Variants in JMJD1C observed in about 807,000 individuals in gnomAD.
The protein encoded by JMJD1C is jumonji domain-containing protein 1C.
A neutral mutation model predicts 245.3 loss-of-function variants in JMJD1C; 31 were observed. The ratio of observed to expected loss-of-function variants is 0.13; its 90% CI spans 0.09 to 0.17. The LOEUF is 0.17. JMJD1C is among the 10% of genes least tolerant of loss of function. JMJD1C has a pLI of 1.00. For synonymous variants in JMJD1C, 1,057 were observed against 1,017.4 expected, an observed-to-expected ratio of 1.04 and a Z score of -0.74; for missense variants, 2,691 against 3,000.2, an observed-to-expected ratio of 0.90 and a Z score of 2.41.
chr10:63,507,926 T>C (rs569929770), intron 1 of JMJD1C, among the ~76,000 whole-genome samples: 23 of 152,342 alleles, frequency 1.5e-4, no homozygotes, highest in African/African-American at 3.8e-4. Context: ...GTTGTTTATA[T>C]TCTTACTGTT....
intron 13 of JMJD1C, among the ~76,000 whole-genome samples, chr10:63,196,256 CAAAAAAAAAA>C (rs1258759161): frequency 2.1e-5 from 3 of 139,796 alleles, no homozygotes; most frequent in Admixed American, 7.2e-5. Flanking sequence ...CAACAACATC[CAAAAAAAAAA>C]GAAAAAGAAA....
rs958245687 is a variant in JMJD1C at position 63,395,210 on chromosome 10, G to A, written c.169-14728C>T. Among the ~76,000 whole-genome samples, 63 of 152,194 alleles carry A rather than the reference G, an allele frequency of 4.1e-4. 1 individual carries two copies. Among genetic ancestry groups the A allele is most frequent in the Admixed American group, 1.9e-3 (29 of 15,300 alleles). Reference sequence around the variant, plus strand: ...ACTAAAATTTTTGGCCAGGTGCAGCGGCTCATGCCTGTAATCCCAGCACTT... The same window carrying A: ...ACTAAAATTTTTGGCCAGGTGCAGCAGCTCATGCCTGTAATCCCAGCACTT... On this transcript the variant is annotated intron_variant, in intron 1 of 25. Transcript: ENST00000399262.
chr10:63,215,800 G>A (rs954211782), intron 5 of JMJD1C, 104 bp from the exon 6 acceptor site: 13 of 743,994 alleles, frequency 1.7e-5, no homozygotes, highest in African/African-American at 3.5e-5. Context: ...ATCAGCTTGG[G>A]ATCCCTAATT....
intron 1 of JMJD1C, among the ~76,000 whole-genome samples, chr10:63,459,429 G>A (rs557104020): frequency 3.3e-5 from 5 of 152,206 alleles, no homozygotes; most frequent in Admixed American, 1.3e-4. Flanking sequence ...AAATATTAAC[G>A]ATGTATCTCT....
chr10:63,169,848 GGAT>G (rs966286820), intron 24 of JMJD1C, among the ~76,000 whole-genome samples: 16 of 152,296 alleles, frequency 1.1e-4, no homozygotes, highest in Admixed American at 9.2e-4. Context: ...AGGAAACTAT[GGAT>G]GAGATGTTCA....
rs1203181197 is a variant in JMJD1C, at chr10:63,519,358, A to C, written n.113+2380T>G. On this transcript the variant is annotated intron_variant and non_coding_transcript_variant, in intron 1 of 3. Coordinates refer to the JMJD1C transcript ENST00000633035. Reference sequence around the variant, plus strand: ...TGACCTCCAAAGTAAAAAGGCAAGAAAGACATTTTTAAGAGACTTCCAATG... The same window carrying C: ...TGACCTCCAAAGTAAAAAGGCAAGACAGACATTTTTAAGAGACTTCCAATG... Among the ~76,000 whole-genome samples the C allele has an allele frequency of 2.0e-5, 3 of 152,228 alleles. No homozygotes were observed. In the East Asian group the frequency reaches 5.8e-4, roughly 29 times the overall value.
At chr10:63,188,504 T>A (rs1304952910) in intron 18 of JMJD1C, among the ~76,000 whole-genome samples, 4 of 152,236 alleles carry the variant, frequency 2.6e-5, no homozygotes, top group African/African-American at 9.6e-5. Context: ...CGTCTCTTAT[T>A]AGATGCTCAA....
At position 63,207,992 on chromosome 10, in the gene JMJD1C, C is replaced by T; in HGVS notation, c.3677G>A (p.Ser1226Asn). The T allele has an allele frequency of 1.2e-6, 2 of 1,614,162 alleles. No homozygotes were observed. Among genetic ancestry groups the T allele is most frequent in the Non-Finnish European group, 1.7e-6 (2 of 1,180,018 alleles). Reference sequence around the variant, plus strand: ...CGGAGTTAAAGTTGGAGGGGAAAGACTACTATAGCTGCCTTCCTTTCTTTC... The same window carrying T: ...CGGAGTTAAAGTTGGAGGGGAAAGATTACTATAGCTGCCTTCCTTTCTTTC... The part of the protein sequence containing the change: ...SLERKEGSYS[S>N]LSPPTLTPVM... Residue 1226 changes from serine to asparagine, a missense_variant, in exon 10 of 26, where the codon AGT becomes AAT. This residue lies in a region of JMJD1C where 1,562 missense variants were observed against 1,490.7 expected (regional missense o/e 1.05). Transcript: ENST00000399262.
At chr10:63,411,707 A>T (rs1949494249) in intron 1 of JMJD1C, among the ~76,000 whole-genome samples, 1 of 149,266 alleles carries the variant, frequency 6.7e-6, no homozygotes, top group African/African-American at 2.5e-5. Flanking sequence ...GGTTCAAGTG[A>T]TTCTCCTGCC....
chr10:63,437,181 T>C (rs1951103972), intron 1 of JMJD1C, among the ~76,000 whole-genome samples: 1 of 151,182 alleles, frequency 6.6e-6, no homozygotes, highest in Non-Finnish European at 1.5e-5. Flanking sequence ...TGTAGGGAAA[T>C]GAATGATGAA....
At position 63,213,771 on chromosome 10, in the gene JMJD1C, A is replaced by C; in HGVS notation, c.2396T>G (p.Val799Gly). Residue 799 changes from valine (V) to glycine (G), a missense_variant, in exon 8 of 26, where the codon GTG becomes GGG. Physicochemically the swap from Val to Gly is moderately radical, Grantham distance 109. Transcript: ENST00000399262. ...AVHHPHLLPTVLPGVPTASLL... is the reference protein window; with the variant it reads ...AVHHPHLLPTGLPGVPTASLL... ...GGAGGCAGTAGGCACTCCAGGTAAC[A>C]CAGTGGGAAGTAAATGAGGGTGATG... 1 of 1,614,164 alleles carries C rather than the reference A, an allele frequency of 6.2e-7. No homozygotes were observed. The highest frequency in any genetic ancestry group is 8.5e-7 in the Non-Finnish European group (1 of 1,180,034).
intron 2 of JMJD1C, chr10:63,268,686 A>T (rs1277828314): frequency 1.0e-6 from 1 of 979,266 alleles, no homozygotes. Context: ...ATTTTAAAGT[A>T]TCTTTAAATC....
intron 1 of JMJD1C, among the ~76,000 whole-genome samples, chr10:63,422,302 CT>C (rs972652260): frequency 1.3e-5 from 2 of 152,122 alleles, no homozygotes; most frequent in African/African-American, 4.8e-5. Flanking sequence ...ATCCCAGCTA[CT>C]TGGGAGGCTG....
intron 1 of JMJD1C, among the ~76,000 whole-genome samples, chr10:63,424,894 G>C (rs1029188838): frequency 6.6e-6 from 1 of 151,768 alleles, no homozygotes; most frequent in Non-Finnish European, 1.5e-5. Context: ...AACTTTTTCA[G>C]AACTGAACAC....
intron 2 of JMJD1C, among the ~76,000 whole-genome samples, chr10:63,352,767 G>GA (rs1944471843): frequency 6.6e-6 from 1 of 152,116 alleles, no homozygotes; most frequent in African/African-American, 2.4e-5. Flanking sequence ...GAAATGCATA[G>GA]GTATGCGTAG....
chr10:63,400,455 C>T (rs1948780776), intron 1 of JMJD1C, among the ~76,000 whole-genome samples: 1 of 152,152 alleles, frequency 6.6e-6, no homozygotes, highest in Non-Finnish European at 1.5e-5. Context: ...TATAGGTGAA[C>T]ATTGTTAACT....
chr10:63,236,585 T>C (rs1431443393), intron 3 of JMJD1C, among the ~76,000 whole-genome samples: 1 of 152,172 alleles, frequency 6.6e-6, no homozygotes, highest in African/African-American at 2.4e-5. Context: ...GCTTACAGCA[T>C]CTGCCAACCA....
intron 8 of JMJD1C, among the ~76,000 whole-genome samples, chr10:63,210,476 T>C (rs1480399185): frequency 6.6e-6 from 1 of 152,236 alleles, no homozygotes; most frequent in African/African-American, 2.4e-5. Flanking sequence ...TATGTACTTA[T>C]AAACACAGAG....
chr10:63,189,021 CT>C, intron 18 of JMJD1C, 146 bp downstream of exon 18: 1 of 601,096 alleles, frequency 1.7e-6, no homozygotes, highest in Non-Finnish European at 2.7e-6. Context: ...TTCTGACAAT[CT>C]TTTCGGTACT....
Sources: gnomAD v4.1 joint callset for allele counts (sites outside exome capture counted in the v4.1 genomes callset) on GRCh38, gnomAD v4.1.1 for gene constraint, gnomAD v4.1.1 regional missense constraint, MANE v1.5 for transcripts, NCBI Gene and HGNC (gene_info 2026-07-23, HGNC 2026-07-21) for gene names.